The following CRADD variants were observed in gnomAD, a reference collection of about 807,000 sequenced individuals.
CRADD encodes the protein CARD and death domain containing adaptor protein.
In CRADD, 9 loss-of-function variants were observed where a neutral mutation model predicts 15.5. That is an observed-to-expected ratio of 0.58 (90% CI 0.35 to 1.01). CRADD has a LOEUF of 1.01. CRADD is among the 50% of genes least tolerant of loss of function. The probability of loss-of-function intolerance (pLI) is 0.02; values close to 1 mark genes in which losing one functional copy is unlikely to be tolerated. For synonymous variants in CRADD, 118 were observed against 107.6 expected (o/e 1.10, Z -0.60); for missense variants, 227 against 250.3 (o/e 0.91, Z 0.63).
intron 2 of CRADD, chr12:93,714,802 A>G (rs1485643898): frequency 1.3e-5 from 2 of 152,180 alleles, no homozygotes; most frequent in East Asian, 3.9e-4. Context: ...GAAATCCTCA[A>G]CACAATTCCT....
intron 2 of CRADD, among the ~76,000 whole-genome samples, chr12:93,741,875 T>C (rs1033584567): frequency 6.6e-6 from 1 of 152,164 alleles, no homozygotes; most frequent in Non-Finnish European, 1.5e-5. Context: ...CCTGTGCTCT[T>C]TCTAGGCTCT....
chr12:93,886,930 G>A lies in CRADD; in HGVS notation c.299-7120G>A, dbSNP rs115050307. Among the ~76,000 whole-genome samples, 680 of 152,328 alleles carry A rather than the reference G, an allele frequency of 4.5e-3. 5 individuals are homozygous for A. The highest frequency in any genetic ancestry group is 0.016 in the African/African-American group (645 of 41,570). On this transcript the variant is annotated intron_variant, in intron 2 of 2. Transcript: ENST00000548483. ...CTAATATTTATTCACTGCCTACCACGCGCAAGACAGAGAGTGAGGTGGGAG... is the reference window on the plus strand; with the variant it reads ...CTAATATTTATTCACTGCCTACCACACGCAAGACAGAGAGTGAGGTGGGAG...
chr12:93,841,974 A>G (rs1284429751), intron 2 of CRADD, among the ~76,000 whole-genome samples: 2 of 152,126 alleles, frequency 1.3e-5, no homozygotes, highest in Non-Finnish European at 2.9e-5. Flanking sequence ...CTACCCCATG[A>G]CCAACCCAGT....
chr12:93,875,282 T>C (rs1264199827), intron 2 of CRADD, among the ~76,000 whole-genome samples: 1 of 152,050 alleles, frequency 6.6e-6, no homozygotes, highest in Non-Finnish European at 1.5e-5. Flanking sequence ...TTTCAGTCTA[T>C]GTGTGTCTTT....
intron 2 of CRADD, among the ~76,000 whole-genome samples, chr12:93,878,233 C>G (rs1958471276): frequency 6.6e-6 from 1 of 152,144 alleles, no homozygotes; most frequent in South Asian, 2.1e-4. Flanking sequence ...CACAGTGTTA[C>G]TGGGGAGTGG....
chr12:93,861,172 G>A (rs1958316843), intron 2 of CRADD, among the ~76,000 whole-genome samples: 1 of 152,218 alleles, frequency 6.6e-6, no homozygotes, highest in Non-Finnish European at 1.5e-5. Context: ...AGAGGCTGCA[G>A]GGTGGTACAG....
chr12:93,718,401 A>G (rs1592923397), intron 2 of CRADD, among the ~76,000 whole-genome samples: 2 of 152,124 alleles, frequency 1.3e-5, no homozygotes. Context: ...AAGCATTTTG[A>G]TCTTTGGGGG....
intron 2 of CRADD, among the ~76,000 whole-genome samples, chr12:93,697,264 A>G (rs905963726): frequency 6.6e-6 from 1 of 152,196 alleles, no homozygotes; most frequent in Non-Finnish European, 1.5e-5. Context: ...ACCCTCATGA[A>G]TAGATTAGTG....
chr12:93,805,240 T>G (rs1386476980), intron 2 of CRADD, among the ~76,000 whole-genome samples: 2 of 152,142 alleles, frequency 1.3e-5, no homozygotes, highest in East Asian at 3.9e-4. Flanking sequence ...GTAATACAGA[T>G]TTCAGCCTTA....
intron 2 of CRADD, among the ~76,000 whole-genome samples, chr12:93,704,130 C>T (rs368260623): frequency 6.6e-6 from 1 of 151,164 alleles, no homozygotes; most frequent in Non-Finnish European, 1.5e-5. Flanking sequence ...CTATTTGGAG[C>T]CTTTGTGTGA....
chr12:93,746,573 C>G (rs190039856), intron 2 of CRADD, among the ~76,000 whole-genome samples: 1 of 152,230 alleles, frequency 6.6e-6, no homozygotes, highest in East Asian at 1.9e-4. Context: ...TACAGTTAGG[C>G]CCCAACCCGG....
intron 2 of CRADD, among the ~76,000 whole-genome samples, chr12:93,736,545 G>A (rs1363235889): frequency 1.3e-5 from 2 of 152,146 alleles, no homozygotes; most frequent in East Asian, 3.8e-4. Flanking sequence ...GACAATTCAA[G>A]TAGTTATAAT....
At chr12:93,882,741 G>A (rs531661104) in intron 2 of CRADD, among the ~76,000 whole-genome samples, 9 of 152,302 alleles carry the variant, frequency 5.9e-5, no homozygotes, top group Middle Eastern at 3.4e-3. Context: ...TGAAGACAGC[G>A]TTGTCTTCAA....
intron 2 of CRADD, among the ~76,000 whole-genome samples, chr12:93,890,831 C>T (rs1385104195): frequency 2.0e-5 from 3 of 151,098 alleles, no homozygotes; most frequent in African/African-American, 7.3e-5. Flanking sequence ...CTATTTGGCT[C>T]ACTGCAGCCT....
chr12:93,727,229 C>T (rs1335911070), intron 2 of CRADD, among the ~76,000 whole-genome samples: 1 of 152,146 alleles, frequency 6.6e-6, no homozygotes, highest in Non-Finnish European at 1.5e-5. Context: ...GGACAGATCC[C>T]TGTGGTCTCT....
intron 2 of CRADD, among the ~76,000 whole-genome samples, chr12:93,874,449 T>C (rs1214333084): frequency 6.6e-6 from 1 of 152,074 alleles, no homozygotes; most frequent in Non-Finnish European, 1.5e-5. Context: ...GTTCTGATCT[T>C]TATTATTTCT....
chr12:93,798,265 T>C (rs1427397482), intron 2 of CRADD, among the ~76,000 whole-genome samples: 1 of 152,172 alleles, frequency 6.6e-6, no homozygotes, highest in Non-Finnish European at 1.5e-5. Flanking sequence ...TCCCCACAAA[T>C]ATTTGCTGGA....
intron 2 of CRADD, among the ~76,000 whole-genome samples, chr12:93,800,878 C>G (rs1419512732): frequency 1.3e-5 from 2 of 152,178 alleles, no homozygotes; most frequent in African/African-American, 2.4e-5. Context: ...TAAGCCCAGT[C>G]AAGTTGACAC....
chr12:93,848,392 A>G (rs1371395179), intron 2 of CRADD, among the ~76,000 whole-genome samples: 2 of 152,356 alleles, frequency 1.3e-5, no homozygotes, highest in South Asian at 2.1e-4. Context: ...TCTTGTAATA[A>G]GGTGCCTTTG....
Sources: gnomAD v4.1 joint callset for allele counts (sites outside exome capture counted in the v4.1 genomes callset) on GRCh38, gnomAD v4.1.1 for gene constraint, MANE v1.5 for transcripts, NCBI Gene and HGNC (gene_info 2026-07-23, HGNC 2026-07-21) for gene names.